ARHGAP32: variants seen among roughly 807,000 people sequenced by gnomAD.
ARHGAP32 encodes Rho GTPase activating protein 32, also known as rho GTPase-activating protein 32.
A neutral mutation model predicts 186.5 loss-of-function variants in ARHGAP32; 51 were observed. That is an observed-to-expected ratio of 0.27 (90% CI 0.22 to 0.35). The LOEUF (loss-of-function observed/expected upper bound fraction) is 0.35, where lower values mean the gene tolerates loss of function less well. ARHGAP32 is among the 10% of genes least tolerant of loss of function. The pLI is 1.00. For missense variants in ARHGAP32, 2,186 were observed against 2,623.5 expected, an observed-to-expected ratio of 0.83 and a Z score of 3.64; for synonymous variants, 950 against 964.3, an observed-to-expected ratio of 0.99 and a Z score of 0.27.
intron 1 of ARHGAP32, among the ~76,000 whole-genome samples, chr11:129,256,646 C>T (rs1945258274): frequency 1.3e-5 from 2 of 152,148 alleles, no homozygotes; most frequent in Admixed American, 1.3e-4. Context: ...TCAGAGACTT[C>T]TGGATTTGAA....
At chr11:129,161,525 A>C (rs1475534713) in intron 2 of ARHGAP32, among the ~76,000 whole-genome samples, 1 of 152,220 alleles carries the variant, frequency 6.6e-6, no homozygotes, top group Non-Finnish European at 1.5e-5. Context: ...GAAGACATTT[A>C]TGTGGCCAAC....
intron 5 of ARHGAP32, among the ~76,000 whole-genome samples, chr11:129,102,432 T>C (rs183443528): frequency 8.9e-4 from 136 of 152,260 alleles, no homozygotes; most frequent in African/African-American, 3.0e-3. Flanking sequence ...CCAAGACCCA[T>C]TGGTATGCTG....
chr11:129,207,217 G>A (rs2439802), intron 1 of ARHGAP32, among the ~76,000 whole-genome samples: 20,164 of 151,934 alleles, frequency 0.13, 1,440 homozygotes, highest in Non-Finnish European at 0.15. Flanking sequence ...ATAAACATAC[G>A]TGTGCGTGTG....
chr11:129,249,115 G>T (rs1945144198), intron 1 of ARHGAP32, among the ~76,000 whole-genome samples: 1 of 151,936 alleles, frequency 6.6e-6, no homozygotes, highest in African/African-American at 2.4e-5. Context: ...AATCTTTCTA[G>T]AATTCATTAA....
intron 11 of ARHGAP32, among the ~76,000 whole-genome samples, chr11:129,016,391 C>T (rs1565377271): frequency 6.6e-6 from 1 of 152,152 alleles, no homozygotes; most frequent in Non-Finnish European, 1.5e-5. Context: ...CCTTATAAGT[C>T]ATAAACATAT....
chr11:129,255,020 T>C (rs1363093547), intron 1 of ARHGAP32, among the ~76,000 whole-genome samples: 1 of 152,080 alleles, frequency 6.6e-6, no homozygotes, highest in Non-Finnish European at 1.5e-5. Flanking sequence ...TGGTCAAAGT[T>C]AGAAGACATA....
intron 10 of ARHGAP32, 51 bp downstream of exon 10, chr11:129,062,229 A>AT (rs1268443174): frequency 1.4e-5 from 21 of 1,486,786 alleles, no homozygotes; most frequent in Non-Finnish European, 1.8e-5. Flanking sequence ...TTACTGAATC[A>AT]TAAAAAAACT....
At position 129,109,020 on chromosome 11, in the gene ARHGAP32, C is replaced by T. The variant is rs184272872; in HGVS notation, c.444+14426G>A. Among the ~76,000 whole-genome samples the T allele has an allele frequency of 2.7e-3, 406 of 152,238 alleles. 2 individuals are homozygous for T. Among genetic ancestry groups the T allele is most frequent in the South Asian group, 9.7e-3 (47 of 4,830 alleles). On this transcript the variant is annotated intron_variant, in intron 5 of 22. Coordinates refer to ENST00000682385, the MANE Select transcript of ARHGAP32 (RefSeq NM_001378024.1). ...TATTGAACATTGTAACTTACACCTT[C>T]TATCTAACTGCATGTTTCTTCCCAT... is the stretch of plus-strand genomic sequence containing the variant.
chr11:129,104,481 A>G (rs1179244003), intron 5 of ARHGAP32, among the ~76,000 whole-genome samples: 1 of 152,082 alleles, frequency 6.6e-6, no homozygotes, highest in Non-Finnish European at 1.5e-5. Context: ...GCAGCCATAA[A>G]AAGAATAGAA....
chr11:129,168,393 G>C (rs1398584290), intron 1 of ARHGAP32, among the ~76,000 whole-genome samples: 1 of 152,178 alleles, frequency 6.6e-6, no homozygotes, highest in Non-Finnish European at 1.5e-5. Context: ...AGGCAAAGTA[G>C]ACCTTAAGCA....
chr11:129,115,598 T>A (rs937909064), intron 5 of ARHGAP32, among the ~76,000 whole-genome samples: 2 of 152,076 alleles, frequency 1.3e-5, no homozygotes, highest in East Asian at 3.8e-4. Flanking sequence ...ACAGCCCTCA[T>A]CTTACTGATG....
chr11:129,208,465 T>C (rs962520685), intron 1 of ARHGAP32, among the ~76,000 whole-genome samples: 2 of 152,168 alleles, frequency 1.3e-5, no homozygotes, highest in Non-Finnish European at 2.9e-5. Flanking sequence ...CAAGAAAACA[T>C]ACTATTTGGC....
intron 22 of ARHGAP32, chr11:128,971,719 C>T (rs1945380223): frequency 6.6e-6 from 1 of 152,632 alleles, no homozygotes; most frequent in African/African-American, 2.4e-5. Context: ...TGAAAACATG[C>T]TATCCTTGAG....
chr11:129,193,618 T>A (rs12365714), upstream of ARHGAP32, among the ~76,000 whole-genome samples: 10,266 of 57,042 alleles, frequency 0.18, 1,164 homozygotes, highest in African/African-American at 0.31. Flanking sequence ...ATAATATATG[T>A]TATATAATAT....
At chr11:129,196,402 C>G (rs1944392210), upstream of ARHGAP32, among the ~76,000 whole-genome samples, 1 of 152,128 alleles carries the variant, frequency 6.6e-6, no homozygotes, top group African/African-American at 2.4e-5. Context: ...TGTATGCCAA[C>G]TATTTACATA....
At chr11:129,009,884 G>A (rs750744283) in intron 11 of ARHGAP32, among the ~76,000 whole-genome samples, 3 of 152,112 alleles carry the variant, frequency 2.0e-5, no homozygotes, top group African/African-American at 4.8e-5. Context: ...GATCTTTGAG[G>A]AACTGCCACA....
At chr11:129,073,751 C>CAA (rs138968518) in intron 6 of ARHGAP32, among the ~76,000 whole-genome samples, 12 of 140,636 alleles carry the variant, frequency 8.5e-5, no homozygotes, top group African/African-American at 1.8e-4. Flanking sequence ...TCACCCTCCT[C>CAA]AAAAAAAAAA....
At chr11:128,996,530 C>A (rs555212196) in intron 12 of ARHGAP32, among the ~76,000 whole-genome samples, 1 of 152,182 alleles carries the variant, frequency 6.6e-6, no homozygotes, top group Non-Finnish European at 1.5e-5. Flanking sequence ...TTCACATTGG[C>A]AATTTTGTAA....
intron 2 of ARHGAP32, among the ~76,000 whole-genome samples, chr11:129,138,003 C>G (rs1254754298): frequency 6.6e-6 from 1 of 151,698 alleles, no homozygotes; most frequent in Non-Finnish European, 1.5e-5. Flanking sequence ...TTAATAAAAG[C>G]ACATTAAAAT....
Sources: gnomAD v4.1 joint callset for allele counts (sites outside exome capture counted in the v4.1 genomes callset) on GRCh38, gnomAD v4.1.1 for gene constraint, MANE v1.5 for transcripts, NCBI Gene and HGNC (gene_info 2026-07-23, HGNC 2026-07-21) for gene names.